Variants in TAB2 observed in about 807,000 individuals in gnomAD.
TAB2 encodes TGF-beta-activated kinase 1 and MAP3K7-binding protein 2.
Under a neutral mutation model 65.0 loss-of-function variants are expected in TAB2, and 3 were observed. The observed-to-expected ratio is 0.05, with a 90% CI of 0.02 to 0.12. The LOEUF (loss-of-function observed/expected upper bound fraction) is 0.12. TAB2 is among the 10% of genes least tolerant of loss of function. TAB2 has a pLI of 1.00. For synonymous variants in TAB2, 298 were observed against 285.1 expected (o/e 1.05, Z -0.46); for missense variants, 623 against 840.3 (o/e 0.74, Z 3.20).
rs1272142994 is a variant in TAB2 at position 149,396,368 on chromosome 6, A to AT, written c.1604-1230dup. On this transcript the variant is annotated intron_variant, in intron 3 of 6. Transcript: ENST00000637181. ...TGAGACCTTTCAGAACTCTTCTTTC[A>AT]TTTTTTCTGTCACATTATCTGTGCA... is the stretch of plus-strand genomic sequence containing the variant. 1.4e-4 allele frequency among the ~76,000 whole-genome samples: 21 copies of AT among 151,808 alleles called. No homozygotes were observed. In the South Asian group the frequency reaches 3.7e-3, roughly 27 times the overall value.
intron 1 of TAB2, among the ~76,000 whole-genome samples, chr6:149,341,028 G>C (rs1780104892): frequency 6.6e-6 from 1 of 151,872 alleles, no homozygotes; most frequent in South Asian, 2.1e-4. Context: ...GCTTTTCTTT[G>C]CCCTTAAAAC....
At chr6:149,241,366 C>T (rs1298680088) in intron 1 of TAB2, among the ~76,000 whole-genome samples, 2 of 152,126 alleles carry the variant, frequency 1.3e-5, no homozygotes, top group African/African-American at 4.8e-5. Flanking sequence ...TGCCTATACT[C>T]TTTTAATCAA....
At chr6:149,393,315 A>G (rs1458296335) in intron 3 of TAB2, among the ~76,000 whole-genome samples, 4 of 152,230 alleles carry the variant, frequency 2.6e-5, no homozygotes, top group African/African-American at 9.7e-5. Flanking sequence ...TGGATTTGCA[A>G]TATTTTACTT....
intron 1 of TAB2, among the ~76,000 whole-genome samples, chr6:149,276,992 G>C (rs954310905): frequency 6.6e-6 from 1 of 152,126 alleles, no homozygotes; most frequent in East Asian, 1.9e-4. Context: ...TGTCTCACAA[G>C]ATCTGATTAT....
chr6:149,339,530 A>G (rs1780034697), intron 1 of TAB2, among the ~76,000 whole-genome samples: 1 of 152,136 alleles, frequency 6.6e-6, no homozygotes, highest in Non-Finnish European at 1.5e-5. Context: ...ACTCTCTTAG[A>G]AATAGGGATA....
Position 149,409,979 on chromosome 6 carries a change from G to A in TAB2, c.*260G>A, listed in dbSNP as rs1782793842. On this transcript the variant is annotated 3_prime_UTR_variant, in exon 7 of 7. Transcript: ENST00000637181. ...TGCCTAACTGTGTACAGTGTTACCA[G>A]TGTCCCATTATGGATAATTCTCAAT... The A allele has an allele frequency of 5.6e-6, 3 of 531,646 alleles. No homozygotes were observed. The highest frequency in any genetic ancestry group is 3.2e-5 in the Admixed American group (1 of 31,086). The allele number at this position is 531,646 out of a possible 1,614,324, so 32.9% of individuals were successfully genotyped here. A position where few individuals can be genotyped will look rare whatever the true frequency, so the allele number is the denominator to read the frequency against.
chr6:149,241,968 T>C (rs1777606312), intron 1 of TAB2, among the ~76,000 whole-genome samples: 1 of 152,104 alleles, frequency 6.6e-6, no homozygotes, highest in Admixed American at 6.5e-5. Flanking sequence ...GGCTACTGCG[T>C]TCCCCACTGC....
chr6:149,396,012 C>G (rs1782152188), intron 3 of TAB2, among the ~76,000 whole-genome samples: 1 of 152,026 alleles, frequency 6.6e-6, no homozygotes, highest in Non-Finnish European at 1.5e-5. Context: ...TCTTTTCTCT[C>G]TCTGTCTCCC....
At chr6:149,373,272 T>TAAAA (rs1403669533) in intron 2 of TAB2, among the ~76,000 whole-genome samples, 39 of 152,370 alleles carry the variant, frequency 2.6e-4, no homozygotes, top group Non-Finnish European at 2.8e-4. Context: ...TTACCGTTTT[T>TAAAA]AAATTCTCTT....
At chr6:149,351,803 A>G (rs1434695328) in intron 1 of TAB2, among the ~76,000 whole-genome samples, 2 of 152,218 alleles carry the variant, frequency 1.3e-5, no homozygotes, top group Non-Finnish European at 2.9e-5. Context: ...TATACCTTAT[A>G]TCATAATTGT....
chr6:149,254,366 C>G (rs911088164), intron 1 of TAB2, among the ~76,000 whole-genome samples: 1 of 152,168 alleles, frequency 6.6e-6, no homozygotes, highest in Non-Finnish European at 1.5e-5. Flanking sequence ...TGGTGCATGT[C>G]TTTATGGTTT....
At chr6:149,304,241 T>C (rs976409222) in intron 1 of TAB2, 4 of 152,524 alleles carry the variant, frequency 2.6e-5, no homozygotes, top group African/African-American at 9.6e-5. Context: ...GGAGTCATTA[T>C]CTAAGGTTAT....
At chr6:149,371,903 A>G (rs1198712960) in intron 2 of TAB2, among the ~76,000 whole-genome samples, 1 of 152,216 alleles carries the variant, frequency 6.6e-6, no homozygotes, top group African/African-American at 2.4e-5. Context: ...AGGAGCGGAG[A>G]TAGTGGGGAA....
intron 1 of TAB2, among the ~76,000 whole-genome samples, chr6:149,276,849 T>G (rs1273832189): frequency 6.6e-6 from 1 of 152,230 alleles, no homozygotes; most frequent in African/African-American, 2.4e-5. Flanking sequence ...TGATATGGTT[T>G]GGCTGTGTCC....
intron 6 of TAB2, among the ~76,000 whole-genome samples, chr6:149,405,386 C>T (rs993869429): frequency 4.8e-4 from 73 of 152,140 alleles, no homozygotes; most frequent in African/African-American, 1.6e-3. Flanking sequence ...TGTATGATCT[C>T]GCAATCGCAC....
intron 1 of TAB2, among the ~76,000 whole-genome samples, chr6:149,283,753 G>A (rs1040673601): frequency 6.6e-6 from 1 of 152,016 alleles, no homozygotes; most frequent in African/African-American, 2.4e-5. Flanking sequence ...ACTACAAGAA[G>A]AAACAAGGAG....
chr6:149,315,307 A>T (rs73779303), upstream of TAB2, among the ~76,000 whole-genome samples: 1,973 of 152,330 alleles, frequency 0.013, 38 homozygotes, highest in African/African-American at 0.046. Context: ...GTTTTATTTT[A>T]AAAATAACCC....
intron 2 of TAB2, among the ~76,000 whole-genome samples, chr6:149,375,966 G>A (rs1304515714): frequency 6.6e-6 from 1 of 152,038 alleles, no homozygotes; most frequent in Non-Finnish European, 1.5e-5. Context: ...AAGGCATCAA[G>A]ATGCCTTTTT....
At chr6:149,278,008 G>A (rs947125784) in intron 1 of TAB2, among the ~76,000 whole-genome samples, 9 of 152,150 alleles carry the variant, frequency 5.9e-5, no homozygotes, top group Admixed American at 2.0e-4. Flanking sequence ...AAGCTTGAAA[G>A]CCATTATTTC....
Sources: allele counts gnomAD v4.1 joint callset (sites outside exome capture counted in the v4.1 genomes callset), GRCh38; gene constraint gnomAD v4.1.1; transcripts MANE v1.5; gene names NCBI Gene and HGNC (gene_info 2026-07-23, HGNC 2026-07-21).